CEP85L: variants seen among roughly 807,000 people sequenced by gnomAD.
CEP85L encodes the protein centrosomal protein of 85 kDa-like.
CEP85L carries 60 observed loss-of-function variants against 100.3 expected under a neutral mutation model. The ratio of observed to expected loss-of-function variants is 0.60; its 90% CI spans 0.49 to 0.74. CEP85L has a LOEUF of 0.74. CEP85L is among the 30% of genes least tolerant of loss of function. The pLI is 0.00. For missense variants in CEP85L, 973 were observed against 936.2 expected (o/e 1.04, Z -0.51); for synonymous variants, 319 against 322.7 (o/e 0.99, Z 0.12).
intron 6 of CEP85L, 155 bp downstream of exon 6, chr6:118,491,531 A>G: frequency 7.1e-7 from 1 of 1,407,168 alleles, no homozygotes; most frequent in African/African-American, 1.5e-5. Context: ...TTCTGCAGAC[A>G]GCAGAGGGCT....
At chr6:118,661,209 A>T (rs1775963630) in intron 1 of CEP85L, among the ~76,000 whole-genome samples, 2 of 152,144 alleles carry the variant, frequency 1.3e-5, no homozygotes, top group African/African-American at 4.8e-5. Context: ...TTCAAAGGAA[A>T]AATGGAATAT....
At chr6:118,529,287 A>G (rs1296946538) in intron 3 of CEP85L, among the ~76,000 whole-genome samples, 1 of 152,170 alleles carries the variant, frequency 6.6e-6, no homozygotes, top group Non-Finnish European at 1.5e-5. Context: ...TTTTATATGT[A>G]TCACATAGGC....
At chr6:118,490,085 T>C (rs946451571) in intron 6 of CEP85L, among the ~76,000 whole-genome samples, 9 of 152,062 alleles carry the variant, frequency 5.9e-5, no homozygotes, top group Non-Finnish European at 1.2e-4. Flanking sequence ...CTGGGGGATA[T>C]AATGCTAAGT....
intron 1 of CEP85L, among the ~76,000 whole-genome samples, chr6:118,686,139 G>A (rs1295554080): frequency 6.6e-6 from 1 of 152,088 alleles, no homozygotes; most frequent in Non-Finnish European, 1.5e-5. Flanking sequence ...ATCAAGGTCT[G>A]TGGAGATGGA....
intron 10 of CEP85L, among the ~76,000 whole-genome samples, chr6:118,473,036 A>G (rs1034215561): frequency 3.9e-5 from 6 of 152,344 alleles, no homozygotes; most frequent in Middle Eastern, 3.4e-3. Flanking sequence ...AAAAGGAACT[A>G]TTTTGAAAGA....
intron 1 of CEP85L, among the ~76,000 whole-genome samples, chr6:118,666,889 G>A (rs1030458624): frequency 6.6e-6 from 1 of 152,172 alleles, no homozygotes; most frequent in Non-Finnish European, 1.5e-5. Context: ...GGCATTGTTG[G>A]GGTCTGAAGG....
intron 3 of CEP85L, among the ~76,000 whole-genome samples, chr6:118,563,746 T>C (rs1232313687): frequency 1.3e-5 from 2 of 152,196 alleles, no homozygotes; most frequent in Non-Finnish European, 2.9e-5. Flanking sequence ...CTACAGTGCC[T>C]GGCCAGAAGT....
chr6:118,533,887 C>T (rs191454856), intron 3 of CEP85L, among the ~76,000 whole-genome samples: 1 of 151,984 alleles, frequency 6.6e-6, no homozygotes, highest in East Asian at 1.9e-4. Context: ...TTGAGGCCAG[C>T]AGTTCAAGAC....
intron 2 of CEP85L, among the ~76,000 whole-genome samples, chr6:118,603,934 G>C (rs12208253): frequency 0.51 from 77,199 of 152,046 alleles, 19,964 homozygotes; most frequent in Middle Eastern, 0.58. Context: ...AAGGAAATTT[G>C]GTTGATTTTG....
chr6:118,473,408 G>C (rs938023300), intron 10 of CEP85L, among the ~76,000 whole-genome samples: 4 of 152,124 alleles, frequency 2.6e-5, no homozygotes, highest in Non-Finnish European at 5.9e-5. Flanking sequence ...TCAGTACAAA[G>C]GTTCTGGGAC....
intron 5 of CEP85L, among the ~76,000 whole-genome samples, chr6:118,509,087 C>G (rs1775821835): frequency 6.6e-6 from 1 of 152,028 alleles, no homozygotes. Flanking sequence ...TATTTCAATT[C>G]CTCACATACT....
chr6:118,533,158 CAG>C (rs1777386105), intron 3 of CEP85L, among the ~76,000 whole-genome samples: 2 of 151,504 alleles, frequency 1.3e-5, no homozygotes, highest in African/African-American at 4.8e-5. Context: ...GAGTTTAAAA[CAG>C]AAAAAAACAG....
chr6:118,696,364 A>G (rs1422153952), intron 1 of CEP85L, among the ~76,000 whole-genome samples: 1 of 152,240 alleles, frequency 6.6e-6, no homozygotes, highest in Non-Finnish European at 1.5e-5. Context: ...ATGAATTTCT[A>G]TCTCTTCTGT....
chr6:118,513,627 CA>C (rs1278886652), intron 4 of CEP85L, among the ~76,000 whole-genome samples: 5 of 151,436 alleles, frequency 3.3e-5, no homozygotes, highest in Admixed American at 6.6e-5. Context: ...AAAAAGCATA[CA>C]AAAAAAACCT....
chr6:118,647,366 T>C (rs1241215916), intron 1 of CEP85L, among the ~76,000 whole-genome samples: 2 of 152,212 alleles, frequency 1.3e-5, no homozygotes, highest in African/African-American at 4.8e-5. Flanking sequence ...TGTTTTCGCT[T>C]TTGTTTTTTA....
intron 3 of CEP85L, among the ~76,000 whole-genome samples, chr6:118,544,838 A>G (rs141270718): frequency 1.3e-5 from 2 of 152,052 alleles, no homozygotes; most frequent in East Asian, 3.9e-4. Flanking sequence ...AGTAAATCTT[A>G]TTTTCTTTTC....
chr6:118,613,700 T>C (rs978605541), intron 2 of CEP85L, among the ~76,000 whole-genome samples: 1 of 137,954 alleles, frequency 7.2e-6, no homozygotes, highest in African/African-American at 2.8e-5. Context: ...GAGGTTGTGG[T>C]GACCCGAGAT....
intron 5 of CEP85L, among the ~76,000 whole-genome samples, chr6:118,496,648 C>T (rs1302866541): frequency 2.6e-5 from 4 of 152,052 alleles, no homozygotes; most frequent in Non-Finnish European, 5.9e-5. Context: ...CCACTGTGCC[C>T]GGCCAGAAGT....
intron 12 of CEP85L, among the ~76,000 whole-genome samples, chr6:118,466,507 A>G (rs897960693): frequency 2.4e-4 from 37 of 152,326 alleles, no homozygotes; most frequent in African/African-American, 8.4e-4. Flanking sequence ...GCATAAAAAA[A>G]CAAACAACTA....
Sources: allele counts gnomAD v4.1 joint callset (sites outside exome capture counted in the v4.1 genomes callset), GRCh38; gene constraint gnomAD v4.1.1; transcripts MANE v1.5; gene names NCBI Gene and HGNC (gene_info 2026-07-23, HGNC 2026-07-21).